The following MYO9A variants were observed in gnomAD, a reference collection of about 807,000 sequenced individuals.
The protein encoded by MYO9A is unconventional myosin-IXa.
A neutral mutation model predicts 293.3 loss-of-function variants in MYO9A; 103 were observed. The observed-to-expected ratio is 0.35, with a 90% CI of 0.30 to 0.41. The LOEUF (loss-of-function observed/expected upper bound fraction) is 0.41. MYO9A is among the 10% of genes least tolerant of loss of function. The pLI is 1.00. For synonymous variants in MYO9A, 1,001 were observed against 1,035.7 expected (o/e 0.97, Z 0.64); for missense variants, 2,685 against 3,033.0 (o/e 0.89, Z 2.69).
chr15:71,973,343 T>C (rs2076060266), intron 12 of MYO9A, among the ~76,000 whole-genome samples: 1 of 152,178 alleles, frequency 6.6e-6, no homozygotes, highest in Admixed American at 6.5e-5. Flanking sequence ...ATAGTTCCAT[T>C]TTGTAGATTG....
chr15:72,046,508 C>T lies in MYO9A; in HGVS notation c.56G>A (p.Arg19Gln), dbSNP rs766033490. 6.8e-6 allele frequency: 11 copies of T among 1,612,908 alleles called. No individual in the cohort carries two copies. The highest frequency in any genetic ancestry group is 6.7e-5 in the African/African-American group (5 of 74,816). The change falls in exon 2 of 42, where the codon CGG (arginine) becomes CAG (glutamine). Residue 19 changes from arginine to glutamine, a missense_variant. Physicochemically the swap from Arg to Gln is conservative, Grantham distance 43. Around this residue, in one of 10 missense-constraint regions of MYO9A, gnomAD observed 67 missense variants for 63.2 expected, o/e 1.06. Coordinates refer to ENST00000356056, the MANE Select transcript of MYO9A (RefSeq NM_006901.4). ...RRFEDNEHTL[R>Q]IYPGAISEGT... ...TTCTGAAATAGCCCCAGGATATATC[C>T]GTAATGTATGTTCATTATCTTCAAA...
intron 1 of MYO9A, among the ~76,000 whole-genome samples, chr15:72,103,179 GA>G (rs1414185522): frequency 6.7e-6 from 1 of 149,488 alleles, no homozygotes; most frequent in Non-Finnish European, 1.5e-5. Flanking sequence ...CTGGGTGGCA[GA>G]GTAAGACTAA....
intron 1 of MYO9A, among the ~76,000 whole-genome samples, chr15:72,049,907 C>T (rs1471068849): frequency 6.6e-6 from 1 of 152,026 alleles, no homozygotes; most frequent in Non-Finnish European, 1.5e-5. Flanking sequence ...CAATCTAATC[C>T]CTAAAGTTGT....
chr15:71,834,511 C>T (rs183016786), intron 39 of MYO9A, among the ~76,000 whole-genome samples: 1 of 152,232 alleles, frequency 6.6e-6, no homozygotes, highest in Admixed American at 6.5e-5. Context: ...GTAGTGCATG[C>T]CCACAATCCC....
chr15:71,883,661 A>T lies in MYO9A; in HGVS notation c.5331T>A (p.Thr1777=). The change falls in exon 28 of 42, where the codon ACT becomes ACA. Residue 1777 remains threonine, a synonymous_variant. Transcript: ENST00000356056. ...GEKKTTRVKP[T]TQSEVSPLFA... is the part of the protein sequence containing the mutation. ...AGAGTGGCGAAACCTCTGACTGGGT[A>T]GTAGGTTTCACTCTGGTAGTCTTCT... The T allele has an allele frequency of 1.2e-6, 2 of 1,613,324 alleles. No individual in the cohort carries two copies. The highest frequency in any genetic ancestry group is 1.7e-6 in the Non-Finnish European group (2 of 1,179,410).
chr15:71,939,888 A>G (rs2058731963), intron 15 of MYO9A, among the ~76,000 whole-genome samples: 1 of 152,210 alleles, frequency 6.6e-6, no homozygotes, highest in South Asian at 2.1e-4. Context: ...ATTTAAAAAA[A>G]CTGATTCGAC....
chr15:71,850,801 A>AAAAAAAG, intron 37 of MYO9A, among the ~76,000 whole-genome samples: 1 of 135,274 alleles, frequency 7.4e-6, no homozygotes, highest in Non-Finnish European at 1.6e-5. Flanking sequence ...AAAAAAAAAA[A>AAAAAAAG]GAATGCAGAG....
At chr15:71,858,308 A>G (rs915689533) in intron 34 of MYO9A, among the ~76,000 whole-genome samples, 5 of 152,146 alleles carry the variant, frequency 3.3e-5, no homozygotes, top group Non-Finnish European at 2.9e-5. Context: ...ACATGCACAC[A>G]TATGTTTATT....
At chr15:71,892,528 T>C (rs572773421) in intron 26 of MYO9A, 1 of 153,476 alleles carries the variant, frequency 6.5e-6, no homozygotes, top group Admixed American at 6.4e-5. Flanking sequence ...GTTTTTGCAG[T>C]TTTATTACAA....
intron 6 of MYO9A, 104 bp from the exon 7 acceptor site, chr15:72,010,551 A>T: frequency 1.0e-6 from 1 of 973,354 alleles, no homozygotes; most frequent in Non-Finnish European, 1.5e-6. Flanking sequence ...GTATGTATAA[A>T]TGCAAATTAG....
At chr15:72,004,899 T>C (rs2148811886) in intron 8 of MYO9A, among the ~76,000 whole-genome samples, 2 of 152,348 alleles carry the variant, frequency 1.3e-5, no homozygotes, top group Non-Finnish European at 2.9e-5. Context: ...TATTTAGCAT[T>C]GGATTAAATC....
At chr15:71,856,154 T>C (rs1265515036) in intron 34 of MYO9A, among the ~76,000 whole-genome samples, 1 of 151,688 alleles carries the variant, frequency 6.6e-6, no homozygotes, top group Non-Finnish European at 1.5e-5. Context: ...CTACTAAAAA[T>C]ACAAAAATTA....
chr15:71,902,840 C>G, intron 22 of MYO9A, 101 bp downstream of exon 22: 3 of 953,162 alleles, frequency 3.1e-6, no homozygotes, highest in Non-Finnish European at 4.4e-6. Context: ...CTTCTGATAT[C>G]TGATTCACTA....
rs186152542 is a variant in MYO9A, at chr15:71,878,000, T to C, written c.5931+40A>G. 17 of 1,482,508 alleles carry C rather than the reference T, an allele frequency of 1.1e-5. No individual in the cohort carries two copies. In the Admixed American group the frequency reaches 2.5e-4, roughly 22 times the overall value. The allele number at this position is 1,482,508 out of a possible 1,614,324, so 91.8% of individuals were successfully genotyped here. ...CCCAAACGCTCTTAAAAAGAATTCA[T>C]AATTAAATCCTTTAAGTAATCAAAA... On this transcript the variant is annotated intron_variant, in intron 31 of 41. Transcript: ENST00000356056.
intron 19 of MYO9A, among the ~76,000 whole-genome samples, chr15:71,905,421 T>C (rs1038559933): frequency 2.6e-5 from 4 of 152,204 alleles, no homozygotes; most frequent in Admixed American, 2.6e-4. Flanking sequence ...TCCCTTTTTT[T>C]ATTCCTGATA....
At chr15:71,935,520 C>T (rs371958093) in intron 16 of MYO9A, 36 bp from the exon 17 acceptor site, 35 of 1,586,146 alleles carry the variant, frequency 2.2e-5, no homozygotes, top group Non-Finnish European at 2.5e-5. Context: ...TTAATGAAGA[C>T]GTCTCTAACA....
Position 71,960,447 on chromosome 15 carries a change from C to T in MYO9A, c.1987-351G>A, listed in dbSNP as rs1258092107. 4 of 223,410 alleles carry T rather than the reference C, an allele frequency of 1.8e-5. No homozygotes were observed. The East Asian group carries it at 4.1e-4, about 23-fold the overall frequency. The allele number at this position is 223,410 out of a possible 1,614,324, so 13.8% of individuals were successfully genotyped here. On this transcript the variant is annotated intron_variant, in intron 13 of 41. Transcript: ENST00000356056. ...CACCACAAGTAAAAGCTCTCTGAGG[C>T]TTCACCAGAAGCCAGGTAGATATCA...
chr15:71,836,987 TTGTATG>T (rs1374089725), intron 39 of MYO9A, among the ~76,000 whole-genome samples: 3 of 151,644 alleles, frequency 2.0e-5, no homozygotes, highest in African/African-American at 7.3e-5. Context: ...TTTCTGTGTT[TTGTATG>T]TGTTTTGTTG....
At chr15:71,992,447 T>C (rs2076568377) in intron 10 of MYO9A, among the ~76,000 whole-genome samples, 1 of 152,192 alleles carries the variant, frequency 6.6e-6, no homozygotes, top group Non-Finnish European at 1.5e-5. Flanking sequence ...TGAAAAATAG[T>C]AAGATCTTTT....
Sources: allele counts gnomAD v4.1 joint callset (sites outside exome capture counted in the v4.1 genomes callset), GRCh38; gene constraint gnomAD v4.1.1; regional missense constraint gnomAD v4.1.1; transcripts MANE v1.5; gene names NCBI Gene and HGNC (gene_info 2026-07-23, HGNC 2026-07-21).